The following NEDD4 variants were observed in gnomAD, a reference collection of about 807,000 sequenced individuals.
The protein encoded by NEDD4 is NEDD4 E3 ubiquitin protein ligase.
In NEDD4, 99 loss-of-function variants were observed where a neutral mutation model predicts 144.9. The ratio of observed to expected loss-of-function variants is 0.68; its 90% CI spans 0.58 to 0.81. The LOEUF (loss-of-function observed/expected upper bound fraction) is 0.81, where lower values mean the gene tolerates loss of function less well. NEDD4 is among the 30% of genes least tolerant of loss of function. The pLI is 0.00. For synonymous variants in NEDD4, 318 were observed against 350.6 expected (o/e 0.91, Z 1.04); for missense variants, 985 against 1,065.9 (o/e 0.92, Z 1.06).
chr15:55,861,091 T>A (rs556808945), intron 9 of NEDD4, among the ~76,000 whole-genome samples: 1 of 152,218 alleles, frequency 6.6e-6, no homozygotes, highest in South Asian at 2.1e-4. Flanking sequence ...TGAATAAATA[T>A]CAGAGCGCTT....
chr15:55,933,662 T>C (rs1444225238), intron 4 of NEDD4, among the ~76,000 whole-genome samples: 1 of 151,904 alleles, frequency 6.6e-6, no homozygotes, highest in Non-Finnish European at 1.5e-5. Context: ...TGTGTACGTG[T>C]ACCCTAGAAC....
rs60338644 is a variant in NEDD4, at chr15:55,940,518, TTCTCTC to T, written c.237+10852_237+10857del. On this transcript the variant is annotated intron_variant, in intron 4 of 28. Transcript: ENST00000435532. ...CTCCTTCCTCCTTCCCTCCTCCCCC[TTCTCTC>T]TCTCTCTCTCTCTCTCTCTCTGCCT... Among the ~76,000 whole-genome samples the T allele has an allele frequency of 3.2e-4, 34 of 106,296 alleles. No homozygotes were observed. In the East Asian group the frequency reaches 8.8e-3, roughly 27 times the overall value. 69.7% of individuals were successfully genotyped at this position (106,296 alleles called of 152,430 possible).
Position 55,829,368 on chromosome 15 carries a change from G to A in NEDD4, c.*529C>T, listed in dbSNP as rs1194230819. The A allele has an allele frequency of 1.3e-5, 2 of 152,504 alleles. No homozygotes were observed. The highest frequency in any genetic ancestry group is 2.4e-5 in the African/African-American group (1 of 41,428). The allele number at this position is 152,504 out of a possible 1,614,324, so 9.4% of individuals were successfully genotyped here. ...TCTAGGCAGTAAGGTGCATAAGGCAGGTCTACAAAATAATAAATAGCTGCG... is the reference window on the plus strand; with the variant it reads ...TCTAGGCAGTAAGGTGCATAAGGCAAGTCTACAAAATAATAAATAGCTGCG... On this transcript the variant is annotated 3_prime_UTR_variant, in exon 29 of 29. Coordinates refer to ENST00000435532, the MANE Select transcript of NEDD4 (RefSeq NM_006154.4).
intron 4 of NEDD4, among the ~76,000 whole-genome samples, chr15:55,945,105 C>T (rs1566963485): frequency 6.6e-6 from 1 of 152,016 alleles, no homozygotes; most frequent in African/African-American, 2.4e-5. Context: ...CGCATCTTCT[C>T]CTCCAAAGGA....
At chr15:55,844,394 G>C (rs1353528651) in intron 18 of NEDD4, among the ~76,000 whole-genome samples, 2 of 146,020 alleles carry the variant, frequency 1.4e-5, no homozygotes, top group African/African-American at 5.1e-5. Context: ...ACACTGGTCA[G>C]TTAAAGACCC....
chr15:55,972,264 A>T (rs2037624171), intron 1 of NEDD4, among the ~76,000 whole-genome samples: 1 of 152,230 alleles, frequency 6.6e-6, no homozygotes, highest in Non-Finnish European at 1.5e-5. Context: ...GTAAACTCAT[A>T]TCTTGAGCAG....
At chr15:55,832,688 T>G (rs1306434446) in intron 27 of NEDD4, among the ~76,000 whole-genome samples, 3 of 152,206 alleles carry the variant, frequency 2.0e-5, no homozygotes, top group Admixed American at 2.0e-4. Flanking sequence ...AGTGCAGGAT[T>G]ACAGGTGTGA....
chr15:55,875,157 G>A (rs1309962932), intron 5 of NEDD4, among the ~76,000 whole-genome samples: 2 of 151,226 alleles, frequency 1.3e-5, no homozygotes, highest in Non-Finnish European at 1.5e-5. Flanking sequence ...ACAAGATGAC[G>A]CAGATCATGG....
intron 8 of NEDD4, among the ~76,000 whole-genome samples, chr15:55,865,071 G>A (rs539411108): frequency 1.4e-3 from 216 of 151,780 alleles, no homozygotes; most frequent in Non-Finnish European, 2.4e-3. Context: ...GGTGGCGGGC[G>A]CCTGTAATCC....
At chr15:55,857,969 T>C (rs538369952) in intron 11 of NEDD4, among the ~76,000 whole-genome samples, 26 of 152,098 alleles carry the variant, frequency 1.7e-4, no homozygotes, top group Non-Finnish European at 3.2e-4. Flanking sequence ...ACAATATATA[T>C]CCTGCTCATT....
chr15:55,974,897 T>TTTTTTTTTTTTTTA (rs2037674783), intron 1 of NEDD4, among the ~76,000 whole-genome samples: 11 of 126,472 alleles, frequency 8.7e-5, no homozygotes, highest in Admixed American at 6.5e-4. Flanking sequence ...CTTTCTTTTT[T>TTTTTTTTTTTTTTA]TTTTTTTTTT....
chr15:55,917,401 T>C (rs1348809130), intron 5 of NEDD4, among the ~76,000 whole-genome samples: 11 of 152,038 alleles, frequency 7.2e-5, no homozygotes, highest in Non-Finnish European at 1.5e-4. Flanking sequence ...AAATCAAAGA[T>C]TGAATTTCCA....
intron 5 of NEDD4, among the ~76,000 whole-genome samples, chr15:55,893,055 A>C (rs1172704032): frequency 6.6e-6 from 1 of 152,150 alleles, no homozygotes; most frequent in Non-Finnish European, 1.5e-5. Flanking sequence ...CAGTAAACTA[A>C]CCTGAGATAG....
At chr15:55,984,633 A>C (rs1195404901) in intron 1 of NEDD4, among the ~76,000 whole-genome samples, 1 of 152,222 alleles carries the variant, frequency 6.6e-6, no homozygotes, top group Non-Finnish European at 1.5e-5. Context: ...ATTTGAGTCC[A>C]GCCATGAGTT....
rs749048064 is a variant in NEDD4, at chr15:55,841,965, G to A, written c.1807C>T (p.Pro603Ser). 2.5e-6 allele frequency: 4 copies of A among 1,613,832 alleles called. No individual in the cohort carries two copies. Among genetic ancestry groups the A allele is most frequent in the South Asian group, 1.1e-5 (1 of 91,068 alleles). ...FFLISKEMFN[P>S]YYGLFEYSAT... is the part of the protein sequence containing the mutation. ...GAATATTCAAACAACCCATAATAAG[G>A]GTTAAACATTTCCTTTGAGATCAGG... The change falls in exon 19 of 29, where the codon CCT becomes TCT. Residue 603 changes from proline to serine, a missense_variant. By Grantham distance (74) the Pro-to-Ser change is moderately conservative. Transcript: ENST00000435532.
chr15:55,940,018 T>A (rs1435552475), intron 4 of NEDD4, among the ~76,000 whole-genome samples: 1 of 152,130 alleles, frequency 6.6e-6, no homozygotes, highest in Non-Finnish European at 1.5e-5. Flanking sequence ...TACAATAGAA[T>A]ATTATTCAGC....
intron 5 of NEDD4, among the ~76,000 whole-genome samples, chr15:55,922,659 G>A (rs896015544): frequency 1.1e-4 from 16 of 152,136 alleles, no homozygotes; most frequent in South Asian, 4.2e-4. Context: ...AACCATGCCC[G>A]GCCAACAATG....
chr15:55,861,166 A>G (rs1238539902), intron 9 of NEDD4, among the ~76,000 whole-genome samples: 2 of 152,208 alleles, frequency 1.3e-5, no homozygotes, highest in African/African-American at 4.8e-5. Flanking sequence ...ACACATACAT[A>G]CATCTTTGTG....
chr15:55,923,659 A>AAAAAAT (rs546642962), intron 5 of NEDD4, among the ~76,000 whole-genome samples: 4,484 of 134,994 alleles, frequency 0.033, 116 homozygotes, highest in Middle Eastern at 0.075. Flanking sequence ...AAAAAAAAAA[A>AAAAAAT]ATATATATAT....
Sources: allele counts gnomAD v4.1 joint callset (sites outside exome capture counted in the v4.1 genomes callset), GRCh38; gene constraint gnomAD v4.1.1; transcripts MANE v1.5; gene names NCBI Gene and HGNC (gene_info 2026-07-23, HGNC 2026-07-21).